The following NEDD4L variants were observed in gnomAD, a reference collection of about 807,000 sequenced individuals.
NEDD4L encodes the protein NEDD4 like E3 ubiquitin protein ligase.
Under a neutral mutation model 148.9 loss-of-function variants are expected in NEDD4L, and 54 were observed. The ratio of observed to expected loss-of-function variants is 0.36; its 90% confidence interval spans 0.29 to 0.45. NEDD4L has a LOEUF of 0.45. Ranked by LOEUF, NEDD4L falls within the 20% of genes least tolerant of loss-of-function variation. NEDD4L has a pLI of 1.00. For missense variants in NEDD4L, 856 were observed against 1,233.8 expected, an observed-to-expected ratio of 0.69 and a Z score of 4.59; for synonymous variants, 433 against 440.7, an observed-to-expected ratio of 0.98 and a Z score of 0.22.
rs770138140 is a variant in NEDD4L, at chr18:58,323,307, A to C, written c.486A>C (p.Glu162Asp). 5 of 1,597,554 alleles carry C rather than the reference A, an allele frequency of 3.1e-6. No homozygotes were observed. The Admixed American group carries it at 8.6e-5, about 28-fold the overall frequency. ...CAAAAAATGGAGGTCAAGATGAAGA[A>C]AACAGTGACCAGAGGGATGACATGG... ...YMPKNGGQDE[E>D]NSDQRDDMEH... is the part of the protein sequence containing the mutation. The change falls in exon 8 of 31, where the codon GAA becomes GAC. Residue 162 changes from glutamate (E) to aspartate (D), a missense_variant. Coordinates refer to ENST00000400345, the MANE Select transcript of NEDD4L (RefSeq NM_001144967.3).
In NEDD4L at chr18:58,204,246, T is replaced by C. The variant is rs144737559; in HGVS notation, c.122+38385T>C. On this transcript the variant is annotated intron_variant, in intron 2 of 30. Transcript: ENST00000400345. ...GGGAGGCTGAAGCAGGAGAATTGCTTGAACCTGGGAAGCGGAGGTTGCAGT... is the reference window on the plus strand; with the variant it reads ...GGGAGGCTGAAGCAGGAGAATTGCTCGAACCTGGGAAGCGGAGGTTGCAGT... Among the ~76,000 whole-genome samples the C allele has an allele frequency of 4.6e-3, 706 of 152,188 alleles. 2 individuals carry two copies. Among genetic ancestry groups the C allele is most frequent in the African/African-American group, 0.016 (669 of 41,506 alleles).
At chr18:58,221,393 C>T (rs2043749483) in intron 2 of NEDD4L, 1 of 195,420 alleles carries the variant, frequency 5.1e-6, no homozygotes, top group Admixed American at 6.5e-5. Flanking sequence ...TGCAGGGAAC[C>T]TGGAGATAAG....
At chr18:58,370,103 A>G (rs1337099514) in intron 22 of NEDD4L, among the ~76,000 whole-genome samples, 4 of 151,958 alleles carry the variant, frequency 2.6e-5, no homozygotes, top group South Asian at 2.1e-4. Context: ...TTCTCCCCCA[A>G]TTCCTACGCC....
chr18:58,059,356 G>T (rs1598981608), intron 1 of NEDD4L, among the ~76,000 whole-genome samples: 1 of 152,208 alleles, frequency 6.6e-6, no homozygotes, highest in East Asian at 1.9e-4. Context: ...CACGGAAGAA[G>T]GTTGCAGACC....
At chr18:58,335,727 T>G (rs2041663569) in intron 13 of NEDD4L, 190 bp downstream of exon 13, 4 of 512,694 alleles carry the variant, frequency 7.8e-6, no homozygotes, top group Non-Finnish European at 1.4e-5. Context: ...ATAGAATGAT[T>G]TTTTTAGTCC....
intron 1 of NEDD4L, among the ~76,000 whole-genome samples, chr18:58,115,089 C>A (rs966727283): frequency 6.6e-6 from 1 of 152,172 alleles, no homozygotes; most frequent in African/African-American, 2.4e-5. Context: ...TCTTGGGGGA[C>A]CGTCATTCCA....
At chr18:58,147,400 G>A (rs1276376024) in intron 1 of NEDD4L, among the ~76,000 whole-genome samples, 1 of 152,038 alleles carries the variant, frequency 6.6e-6, no homozygotes, top group East Asian at 1.9e-4. Context: ...TGCCACATTT[G>A]GGGGGCAGAA....
chr18:58,155,215 A>T (rs1399947317), intron 1 of NEDD4L, among the ~76,000 whole-genome samples: 3 of 151,502 alleles, frequency 2.0e-5, no homozygotes, highest in Admixed American at 6.6e-5. Context: ...TTAGTTATAC[A>T]TGCCTTTTGA....
chr18:58,084,502 C>T (rs2083643100), intron 1 of NEDD4L, among the ~76,000 whole-genome samples: 1 of 152,126 alleles, frequency 6.6e-6, no homozygotes, highest in Admixed American at 6.5e-5. Flanking sequence ...GCTGCCATAG[C>T]AAAACACCAC....
chr18:58,092,996 G>T (rs1910423485), intron 1 of NEDD4L, among the ~76,000 whole-genome samples: 1 of 151,896 alleles, frequency 6.6e-6, no homozygotes, highest in African/African-American at 2.4e-5. Context: ...GAGTAGCTGG[G>T]ACTACAGGTG....
chr18:58,383,691 T>TTTG (rs1475086313), intron 25 of NEDD4L, among the ~76,000 whole-genome samples: 7 of 152,186 alleles, frequency 4.6e-5, no homozygotes, highest in African/African-American at 1.7e-4. Context: ...GAAAAAATAT[T>TTTG]TTGTCTCTCT....
intron 10 of NEDD4L, among the ~76,000 whole-genome samples, chr18:58,329,413 G>T (rs998965845): frequency 9.2e-5 from 14 of 152,056 alleles, no homozygotes; most frequent in Non-Finnish European, 4.4e-5. Flanking sequence ...CTAGAGTGCA[G>T]TGGTGCAGTC....
At chr18:58,357,375 C>A in intron 19 of NEDD4L, 123 bp downstream of exon 19, 1 of 913,652 alleles carries the variant, frequency 1.1e-6, no homozygotes, top group Non-Finnish European at 1.8e-6. Context: ...TGACTAGAAA[C>A]AGAGCACTTT....
intron 24 of NEDD4L, among the ~76,000 whole-genome samples, chr18:58,373,719 C>A (rs1395241700): frequency 6.6e-6 from 1 of 152,202 alleles, no homozygotes; most frequent in Admixed American, 6.5e-5. Flanking sequence ...GCATGGCAGG[C>A]TCCGGTTTTT....
intron 13 of NEDD4L, among the ~76,000 whole-genome samples, chr18:58,338,922 GA>G (rs949606183): frequency 2.0e-5 from 3 of 152,010 alleles, no homozygotes; most frequent in African/African-American, 7.2e-5. Context: ...TCTCAAAAAG[GA>G]AAAAACAAAG....
At chr18:58,364,999 A>G (rs4940668) in intron 20 of NEDD4L, among the ~76,000 whole-genome samples, 56,751 of 151,948 alleles carry the variant, frequency 0.37, 11,935 homozygotes, top group African/African-American at 0.57. Flanking sequence ...CTCCATCACT[A>G]TGGTTACACC....
At chr18:58,191,251 C>T (rs1279401429) in intron 2 of NEDD4L, among the ~76,000 whole-genome samples, 1 of 152,100 alleles carries the variant, frequency 6.6e-6, no homozygotes, top group Non-Finnish European at 1.5e-5. Context: ...ATGAATAACC[C>T]CCCTGTCACC....
chr18:58,215,296 A>G (rs984682056), intron 2 of NEDD4L, among the ~76,000 whole-genome samples: 4 of 152,138 alleles, frequency 2.6e-5, no homozygotes, highest in African/African-American at 9.7e-5. Flanking sequence ...CCCTAGTTCA[A>G]TATTAACCCA....
At chr18:58,129,202 C>T (rs1263560326) in intron 1 of NEDD4L, among the ~76,000 whole-genome samples, 2 of 152,252 alleles carry the variant, frequency 1.3e-5, no homozygotes, top group Admixed American at 6.5e-5. Flanking sequence ...AAAGGGCTGA[C>T]TGAGGCATCC....
Sources: gnomAD v4.1 joint callset for allele counts (sites outside exome capture counted in the v4.1 genomes callset) on GRCh38, gnomAD v4.1.1 for gene constraint, MANE v1.5 for transcripts, NCBI Gene and HGNC (gene_info 2026-07-23, HGNC 2026-07-21) for gene names.